The following CDC14B variants were observed in gnomAD, a reference collection of about 807,000 sequenced individuals.
CDC14B encodes dual specificity protein phosphatase CDC14B.
A neutral mutation model predicts 64.2 loss-of-function variants in CDC14B; 22 were observed. The observed-to-expected ratio is 0.34, with a 90% CI of 0.24 to 0.49. The LOEUF is 0.49. Ranked by LOEUF, CDC14B falls within the 20% of genes least tolerant of loss-of-function variation. The pLI, the probability that CDC14B is intolerant of heterozygous loss-of-function variation, is 0.99. For synonymous variants in CDC14B, 191 were observed against 215.8 expected (o/e 0.89, Z 1.01); for missense variants, 498 against 629.9 (o/e 0.79, Z 2.24).
intron 9 of CDC14B, among the ~76,000 whole-genome samples, chr9:96,531,080 T>C (rs1252650634): frequency 6.6e-6 from 1 of 152,210 alleles, no homozygotes; most frequent in African/African-American, 2.4e-5. Flanking sequence ...TTCACATCGA[T>C]GTTCGTAAGG....
intron 1 of CDC14B, among the ~76,000 whole-genome samples, chr9:96,598,284 T>C (rs904196629): frequency 2.6e-5 from 4 of 152,224 alleles, no homozygotes; most frequent in African/African-American, 9.7e-5. Context: ...AAACATTAGA[T>C]TGGCAAAAAT....
intron 1 of CDC14B, among the ~76,000 whole-genome samples, chr9:96,592,635 T>C (rs942586974): frequency 6.6e-6 from 1 of 151,956 alleles, no homozygotes; most frequent in African/African-American, 2.4e-5. Flanking sequence ...TTAGTCAGCA[T>C]GGTGGTGGGT....
rs990498643 is a variant in CDC14B, at chr9:96,581,059, G to A, written c.161-15576C>T. ...AGCCTGACCAACATAGTGAAACCCT[G>A]TCTCTACTAAAAATACAAAAATTAG... is the stretch of plus-strand genomic sequence containing the variant. On this transcript the variant is annotated intron_variant, in intron 1 of 13. Coordinates refer to ENST00000375241, the MANE Select transcript of CDC14B (RefSeq NM_033331.4). Among the ~76,000 whole-genome samples the A allele has an allele frequency of 2.0e-5, 3 of 152,068 alleles. No homozygotes were observed. In the East Asian group the frequency reaches 5.8e-4, roughly 30 times the overall value.
intron 6 of CDC14B, among the ~76,000 whole-genome samples, chr9:96,540,006 G>C (rs986486798): frequency 1.3e-5 from 2 of 152,062 alleles, no homozygotes; most frequent in Non-Finnish European, 1.5e-5. Flanking sequence ...AAATAAGAAG[G>C]CTAGAATATC....
rs538726947 is a variant in CDC14B, at chr9:96,607,037, A to T, written c.160+12182T>A. ...GCAAGACTGTGTCTCAAAAAAATTT[A>T]AAAAAAAAAAAATTTAAATAAGAAT... On this transcript the variant is annotated intron_variant, in intron 1 of 13. Coordinates refer to ENST00000375241, the MANE Select transcript of CDC14B (RefSeq NM_033331.4). 4.5e-3 allele frequency among the ~76,000 whole-genome samples: 638 copies of T among 143,072 alleles called. 13 individuals carry two copies. The highest frequency in any genetic ancestry group is 4.3e-3 in the East Asian group (22 of 5,058). 93.9% of individuals were successfully genotyped at this position (143,072 alleles called of 152,430 possible). A position where few individuals can be genotyped will look rare whatever the true frequency, so the allele number is the denominator to read the frequency against.
At chr9:96,565,246 GTTTAT>G (rs1353118054) in intron 2 of CDC14B, 142 bp downstream of exon 2, 1 of 563,620 alleles carries the variant, frequency 1.8e-6, no homozygotes, top group East Asian at 3.0e-5. Flanking sequence ...TGCTCTAAAG[GTTTAT>G]TTTATTACTA....
intron 1 of CDC14B, among the ~76,000 whole-genome samples, chr9:96,610,706 T>G (rs548092893): frequency 6.6e-6 from 1 of 150,756 alleles, no homozygotes; most frequent in Admixed American, 6.6e-5. Flanking sequence ...GTGAGTACCC[T>G]TTCCACAAGA....
intron 1 of CDC14B, among the ~76,000 whole-genome samples, chr9:96,573,285 T>C (rs1844582679): frequency 1.3e-5 from 2 of 152,124 alleles, no homozygotes; most frequent in Admixed American, 1.3e-4. Context: ...AACTCCAGCC[T>C]GGGTGACCAA....
At chr9:96,596,055 T>A (rs1846050524) in intron 1 of CDC14B, among the ~76,000 whole-genome samples, 1 of 152,024 alleles carries the variant, frequency 6.6e-6, no homozygotes, top group South Asian at 2.1e-4. Flanking sequence ...TTAGAGCTGT[T>A]ATTTAAAAAG....
chr9:96,581,827 G>T (rs1845176641), intron 1 of CDC14B, among the ~76,000 whole-genome samples: 1 of 152,098 alleles, frequency 6.6e-6, no homozygotes, highest in Non-Finnish European at 1.5e-5. Flanking sequence ...GCTATTTCCT[G>T]CCAGGACAAG....
intron 7 of CDC14B, among the ~76,000 whole-genome samples, chr9:96,538,021 A>C (rs1336726642): frequency 1.3e-5 from 2 of 151,990 alleles, no homozygotes; most frequent in Non-Finnish European, 2.9e-5. Flanking sequence ...CGCCTGGCAG[A>C]TTTTTCCTTT....
intron 1 of CDC14B, among the ~76,000 whole-genome samples, chr9:96,586,219 A>G (rs566489990): frequency 6.6e-6 from 1 of 152,352 alleles, no homozygotes; most frequent in African/African-American, 2.4e-5. Flanking sequence ...TAACTGATAC[A>G]GATCCATGAA....
rs1834369896 is a variant in CDC14B, at chr9:96,507,830, T to C, written c.1460+1843A>G. On this transcript the variant is annotated intron_variant, in intron 13 of 13. Coordinates refer to ENST00000375241, the MANE Select transcript of CDC14B (RefSeq NM_033331.4). ...ATAAAAAAGAAAAAAATCCCAACTG[T>C]CCCACCAACCAGAACTTTTATTAGT... Among the ~76,000 whole-genome samples the C allele has an allele frequency of 2.6e-5, 4 of 152,136 alleles. No homozygotes were observed. The South Asian group carries it at 8.3e-4, about 31-fold the overall frequency.
intron 7 of CDC14B, among the ~76,000 whole-genome samples, chr9:96,535,599 C>T (rs1329944797): frequency 6.6e-6 from 1 of 152,088 alleles, no homozygotes; most frequent in African/African-American, 2.4e-5. Flanking sequence ...GGAGAGGACT[C>T]GTGATTAAAA....
intron 7 of CDC14B, 106 bp downstream of exon 7, chr9:96,538,965 AAAACATT>A: frequency 1.4e-6 from 1 of 720,016 alleles, no homozygotes; most frequent in Non-Finnish European, 2.5e-6. Context: ...TACATATATC[AAAACATT>A]ACTTTGTACA....
intron 1 of CDC14B, among the ~76,000 whole-genome samples, chr9:96,579,436 A>C (rs1443277739): frequency 6.6e-6 from 1 of 151,936 alleles, no homozygotes; most frequent in Non-Finnish European, 1.5e-5. Flanking sequence ...AAATACAAAA[A>C]ATTAGCCTGC....
Position 96,565,436 on chromosome 9 carries a change from T to C in CDC14B, c.208A>G (p.Asn70Asp), listed in dbSNP as rs754760698. Residue 70 changes from asparagine (N) to aspartate (D), a missense_variant, in exon 2 of 14, where the codon AAT becomes GAT. Transcript: ENST00000375241. ...TTATCTATGCTGAAATAATGTACAT[T>C]TGATGCACTCTTTGGTCTGCTGTAG... ...ILYSRPKSAS[N>D]VHYFSIDNEL... 6.2e-7 allele frequency: 1 copy of C among 1,611,924 alleles called. No homozygotes were observed. Among genetic ancestry groups the C allele is most frequent in the Non-Finnish European group, 8.5e-7 (1 of 1,178,116 alleles).
At chr9:96,611,393 C>T (rs1325658099) in intron 1 of CDC14B, among the ~76,000 whole-genome samples, 1 of 152,194 alleles carries the variant, frequency 6.6e-6, no homozygotes, top group Non-Finnish European at 1.5e-5. Context: ...CCATATTTGT[C>T]CTCAACAACT....
intron 1 of CDC14B, among the ~76,000 whole-genome samples, chr9:96,605,567 A>G (rs1326049383): frequency 3.3e-5 from 5 of 151,440 alleles, no homozygotes; most frequent in African/African-American, 1.2e-4. Flanking sequence ...TCACTTCCCC[A>G]CTCCCCTGTG....
Sources: allele counts gnomAD v4.1 joint callset (sites outside exome capture counted in the v4.1 genomes callset), GRCh38; gene constraint gnomAD v4.1.1; transcripts MANE v1.5; gene names NCBI Gene and HGNC (gene_info 2026-07-23, HGNC 2026-07-21).